The following ABCA7 variants were observed in gnomAD, a reference collection of about 807,000 sequenced individuals.
ABCA7 encodes the protein ATP binding cassette subfamily A member 7, also known as phospholipid-transporting ATPase ABCA7.
Under a neutral mutation model 227.6 loss-of-function variants are expected in ABCA7, and 261 were observed. The ratio of observed to expected loss-of-function variants is 1.15; its 90% CI spans 1.04 to 1.27. The LOEUF (loss-of-function observed/expected upper bound fraction) is 1.27. Among genes scored for constraint, ABCA7 ranks in the 50% most tolerant of loss-of-function variants. The pLI is 0.00. For missense variants in ABCA7, 3,331 were observed against 2,924.5 expected, an observed-to-expected ratio of 1.14 and a Z score of -3.21; for synonymous variants, 1,488 against 1,279.7, an observed-to-expected ratio of 1.16 and a Z score of -3.47.
At chr19:1,044,368 C>G (rs569371008) in intron 10 of ABCA7, among the ~76,000 whole-genome samples, 11 of 151,734 alleles carry the variant, frequency 7.2e-5, no homozygotes, top group African/African-American at 1.9e-4. Context: ...CTGCTTCAGC[C>G]TCACAAGTAA....
chr19:1,044,837 C>G, intron 11 of ABCA7, 93 bp downstream of exon 11: 1 of 1,484,938 alleles, frequency 6.7e-7, no homozygotes. Context: ...GGGAGGCGGG[C>G]CCGGCCCTAG....
Position 1,057,960 on chromosome 19 carries a change from C to T in ABCA7, c.4926C>T (p.Ser1642=), listed in dbSNP as rs748907563. ...PLMYPASFFF[S]VPSTAYVVLT... Reference sequence around the variant, plus strand: ...TGTACCCAGCCTCCTTCTTCTTCTCCGTGCCCAGCACAGCCTATGTGGTGC... The same window carrying T: ...TGTACCCAGCCTCCTTCTTCTTCTCTGTGCCCAGCACAGCCTATGTGGTGC... The change falls in exon 36 of 47, where the codon TCC becomes TCT. Residue 1642 remains serine, a synonymous_variant. Coordinates refer to ENST00000263094, the MANE Select transcript of ABCA7 (RefSeq NM_019112.4). 5.7e-5 allele frequency: 92 copies of T among 1,613,942 alleles called. 2 individuals are homozygous for T. Among genetic ancestry groups the T allele is most frequent in the South Asian group, 1.8e-4 (16 of 91,084 alleles).
At position 1,043,840 on chromosome 19, in the gene ABCA7, A is replaced by G; in HGVS notation, c.1046A>G (p.Gln349Arg). The G allele has an allele frequency of 6.4e-7, 1 of 1,564,442 alleles. No homozygotes were observed. The highest frequency in any genetic ancestry group is 8.7e-7 in the Non-Finnish European group (1 of 1,148,904). Residue 349 changes from glutamine (Q) to arginine (R), a missense_variant and splice_region_variant, in exon 10 of 47, where the codon CAG becomes CGG. By Grantham distance (43) the Gln-to-Arg change is conservative (BLOSUM62 1). Coordinates refer to ENST00000263094, the MANE Select transcript of ABCA7 (RefSeq NM_019112.4). ...MNDSSNVAML[Q>R]RLLQMQDEGR... ...GACAGTTCCAATGTGGCCATGCTGC[A>G]GGTGTGCGGGGGTGCTGGGGAGGTG...
chr19:1,052,339 C>A, intron 23 of ABCA7, 53 bp downstream of exon 23: 1 of 1,017,976 alleles, frequency 9.8e-7, no homozygotes, highest in South Asian at 1.4e-5. Context: ...GTGGCTGTGC[C>A]TTAACTTGAG....
Position 1,055,323 on chromosome 19 carries a change from A to T in ABCA7, c.4177A>T (p.Lys1393Ter). 1 of 1,599,220 alleles carries T rather than the reference A, an allele frequency of 6.3e-7. No homozygotes were observed. The highest frequency in any genetic ancestry group is 8.5e-7 in the Non-Finnish European group (1 of 1,174,986). ...CCGGAACCTGTCTGACTTCCTGGTCAAGACCTACCCGCGCCTGGTGCGCCA... is the reference window on the plus strand; with the variant it reads ...CCGGAACCTGTCTGACTTCCTGGTCTAGACCTACCCGCGCCTGGTGCGCCA... Reference protein sequence around the residue: ...TGRNLSDFLVKTYPRLVRQGL... With the variant: ...TGRNLSDFLV The change falls in exon 30 of 47, where the codon AAG (lysine) becomes TAG (stop). Residue 1393 changes from lysine (K) to a stop codon, truncating the protein, a stop_gained. Transcript: ENST00000263094. LOFTEE classifies it high-confidence loss of function.
At position 1,046,294 on chromosome 19, in the gene ABCA7, G is replaced by A. The variant is rs374228184; in HGVS notation, c.1510G>A (p.Val504Met). 27 of 1,605,840 alleles carry A rather than the reference G, an allele frequency of 1.7e-5. No individual in the cohort carries two copies. In the African/African-American group the frequency reaches 3.1e-4, roughly 18 times the overall value. Residue 504 changes from valine to methionine, a missense_variant, in exon 13 of 47, where the codon GTG becomes ATG. Coordinates refer to ENST00000263094, the MANE Select transcript of ABCA7 (RefSeq NM_019112.4). ...TDLRYVWGGFVYLQDLVERAA... is the reference protein window; with the variant it reads ...TDLRYVWGGFMYLQDLVERAA... Reference sequence around the variant, plus strand: ...CCTGCGCTACGTGTGGGGCGGCTTCGTGTACCTGCAAGACCTGGTGGAGCG... The same window carrying A: ...CCTGCGCTACGTGTGGGGCGGCTTCATGTACCTGCAAGACCTGGTGGAGCG...
At position 1,062,269 on chromosome 19, in the gene ABCA7, C is replaced by A. The variant is rs1468943490; in HGVS notation, c.5668C>A (p.Leu1890Met). The A allele has an allele frequency of 1.2e-6, 2 of 1,610,738 alleles. No individual in the cohort carries two copies. Among genetic ancestry groups the A allele is most frequent in the Non-Finnish European group, 1.7e-6 (2 of 1,179,748 alleles). ...GCTGACGGGCCGCGAGCACCTGGAG[C>A]TGCTTGCGCGCCTGCGCGGTGTCCC... The part of the protein sequence containing the change: ...ELLTGREHLE[L>M]LARLRGVPEA... Residue 1890 changes from leucine to methionine, a missense_variant, in exon 42 of 47, where the codon CTG (leucine) becomes ATG (methionine). Physicochemically the swap from Leu to Met is conservative, Grantham distance 15 (BLOSUM62 2). Coordinates refer to ENST00000263094, the MANE Select transcript of ABCA7 (RefSeq NM_019112.4).
Position 1,044,741 on chromosome 19 carries a change from G to A in ABCA7, c.1212G>A (p.Thr404=), listed in dbSNP as rs753583915. The A allele has an allele frequency of 3.7e-6, 6 of 1,603,762 alleles. No homozygotes were observed. Among genetic ancestry groups the A allele is most frequent in the South Asian group, 2.2e-5 (2 of 90,286 alleles). ...GHLVGTLGRV[T]ECLSLDKLEA... ...TGGTGGGCACGCTGGGCCGAGTGAC[G>A]GAGGTGAGGGCCTGTCCACCTGCGG... The change falls in exon 11 of 47, where the codon ACG becomes ACA. Residue 404 remains threonine (T), a synonymous_variant. Coordinates refer to ENST00000263094, the MANE Select transcript of ABCA7 (RefSeq NM_019112.4).
chr19:1,055,831 C>T (rs1424766558), intron 30 of ABCA7, 76 bp from the exon 31 acceptor site: 11 of 1,428,574 alleles, frequency 7.7e-6, no homozygotes, highest in Non-Finnish European at 1.0e-5. Context: ...ACCCTTGACT[C>T]TGTGCTCCCC....
rs1568431459 is a variant in ABCA7, at chr19:1,064,214, G to T, written c.6005G>T (p.Arg2002Leu). Residue 2002 changes from arginine (R) to leucine (L), a missense_variant, in exon 45 of 47, where the codon CGG becomes CTG. Physicochemically the swap from Arg to Leu is moderately radical, Grantham distance 102. Coordinates refer to ENST00000263094, the MANE Select transcript of ABCA7 (RefSeq NM_019112.4). ...CSRLAIMVNG[R>L]FRCLGSPQHL... ...CGCCTGGCCATCATGGTGAATGGGC[G>T]GTTCCGCTGCCTGGGCAGCCCGCAA... The T allele has an allele frequency of 1.3e-6, 2 of 1,575,954 alleles. No homozygotes were observed. Among genetic ancestry groups the T allele is most frequent in the Admixed American group, 3.7e-5 (2 of 54,716 alleles).
chr19:1,041,733 T>C, intron 3 of ABCA7, 98 bp from the exon 4 acceptor site: 1 of 1,581,290 alleles, frequency 6.3e-7, no homozygotes. Context: ...GGGAGTGAGC[T>C]CTCCATCGCT....
rs765895991 is a variant in ABCA7, at chr19:1,052,068, G to T, written c.3089G>T (p.Gly1030Val). The change falls in exon 22 of 47, where the codon GGC becomes GTC. Residue 1030 changes from glycine to valine, a missense_variant. Coordinates refer to ENST00000263094, the MANE Select transcript of ABCA7 (RefSeq NM_019112.4). The stretch of plus-strand genomic sequence containing the variant: ...CCACTCTTCCTGCGCCGTCACCTGG[G>T]CTCCGGCTACTACCTGACGCTGGTG... ...GSPLFLRRHLGSGYYLTLVKA... is the reference protein window; with the variant it reads ...GSPLFLRRHLVSGYYLTLVKA... 5 of 1,612,292 alleles carry T rather than the reference G, an allele frequency of 3.1e-6. No individual in the cohort carries two copies. The highest frequency in any genetic ancestry group is 1.7e-4 in the Middle Eastern group (1 of 6,038).
Position 1,056,301 on chromosome 19 carries a change from C to G in ABCA7, c.4417-29C>G. On this transcript the variant is annotated intron_variant, in intron 32 of 46. Coordinates refer to ENST00000263094, the MANE Select transcript of ABCA7 (RefSeq NM_019112.4). The surrounding 1 kb of genome is among the most constrained non-coding windows in gnomAD (Gnocchi z 4.3). ...CACAGCAAGGTCCAACCCCATTGCT[C>G]TGACCCTATGACCTTGACCCCCACC... The G allele has an allele frequency of 6.8e-6, 11 of 1,608,900 alleles. No individual in the cohort carries two copies. Among genetic ancestry groups the G allele is most frequent in the Non-Finnish European group, 9.3e-6 (11 of 1,177,680 alleles).
rs745725713 is a variant in ABCA7, at chr19:1,041,333, C to T, written c.-29C>T. ...TTCAGCCCGACCGTTGTCCTGACCT[C>T]TCTGTCCCGTCCCCTGCCCAGTCTC... is the stretch of plus-strand genomic sequence containing the variant. On this transcript the variant is annotated 5_prime_UTR_variant, in exon 2 of 47. Coordinates refer to ENST00000263094, the MANE Select transcript of ABCA7 (RefSeq NM_019112.4). 1 of 1,613,358 alleles carries T rather than the reference C, an allele frequency of 6.2e-7. No individual in the cohort carries two copies. Among genetic ancestry groups the T allele is most frequent in the Non-Finnish European group, 8.5e-7 (1 of 1,179,592 alleles).
At chr19:1,064,090 G>T in intron 44 of ABCA7, 71 bp from the exon 45 acceptor site, 1 of 1,461,354 alleles carries the variant, frequency 6.8e-7, no homozygotes, top group South Asian at 1.3e-5. Flanking sequence ...CAGGCCGGGG[G>T]AAGCAGGCAG....
At position 1,056,516 on chromosome 19, in the gene ABCA7, T is replaced by C; in HGVS notation, c.4586+17T>C. ...GGGTGCACTGTGAGTCCCTCCACCCTGCATGTCCTACCCTGCACGTCCTAC... is the reference window on the plus strand; with the variant it reads ...GGGTGCACTGTGAGTCCCTCCACCCCGCATGTCCTACCCTGCACGTCCTAC... On this transcript the variant is annotated intron_variant, in intron 33 of 46. Transcript: ENST00000263094. This position sits in a 1 kb window ranked among gnomAD's most constrained non-coding sequence, Gnocchi z 4.3. 6.2e-7 allele frequency: 1 copy of C among 1,604,758 alleles called. No individual in the cohort carries two copies. The highest frequency in any genetic ancestry group is 8.5e-7 in the Non-Finnish European group (1 of 1,175,354).
At chr19:1,042,568 C>A (rs1234751951) in intron 6 of ABCA7, 171 bp downstream of exon 6, 6 of 1,020,648 alleles carry the variant, frequency 5.9e-6, no homozygotes, top group African/African-American at 3.2e-5. Flanking sequence ...TGTGTCTGAC[C>A]CAGTGAGGAA....
Position 1,057,438 on chromosome 19 carries a change from C to A in ABCA7, c.4880+9C>A, listed in dbSNP as rs1461706219. 6.2e-7 allele frequency: 1 copy of A among 1,609,660 alleles called. No homozygotes were observed. Among genetic ancestry groups the A allele is most frequent in the Non-Finnish European group, 8.5e-7 (1 of 1,176,392 alleles). Reference sequence around the variant, plus strand: ...TTGCTACTACTGTATGGGTGAGGCCCCCAGTCCCTCAGGGCCTATTCTTAC... The same window carrying A: ...TTGCTACTACTGTATGGGTGAGGCCACCAGTCCCTCAGGGCCTATTCTTAC... On this transcript the variant is annotated intron_variant, in intron 35 of 46. Coordinates refer to ENST00000263094, the MANE Select transcript of ABCA7 (RefSeq NM_019112.4).
intron 20 of ABCA7, 59 bp from the exon 21 acceptor site, chr19:1,051,390 A>G: frequency 1.4e-6 from 1 of 714,444 alleles, no homozygotes; most frequent in Non-Finnish European, 2.0e-6. Context: ...CCACGTGGGT[A>G]GGCAACCTTG....
Sources: allele counts gnomAD v4.1 joint callset (sites outside exome capture counted in the v4.1 genomes callset), GRCh38; gene constraint gnomAD v4.1.1; non-coding constraint Gnocchi (gnomAD v3.1); transcripts MANE v1.5; gene names NCBI Gene and HGNC (gene_info 2026-07-23, HGNC 2026-07-21).